Variants in EFTUD2 observed in about 807,000 individuals in gnomAD.
EFTUD2 encodes the protein 116 kDa U5 small nuclear ribonucleoprotein component.
Under a neutral mutation model 114.3 loss-of-function variants are expected in EFTUD2, and 9 were observed. The ratio of observed to expected loss-of-function variants is 0.08; its 90% CI spans 0.05 to 0.14. The LOEUF (loss-of-function observed/expected upper bound fraction) is 0.14, where lower values mean the gene tolerates loss of function less well. Among genes scored for constraint, EFTUD2 ranks in the 10% least tolerant of loss-of-function variants. The pLI, the probability that EFTUD2 is intolerant of heterozygous loss-of-function variation, is 1.00. For missense variants in EFTUD2, 765 were observed against 1,241.2 expected, an observed-to-expected ratio of 0.62 and a Z score of 5.76; for synonymous variants, 449 against 462.3, an observed-to-expected ratio of 0.97 and a Z score of 0.37.
rs763620368 is a variant in EFTUD2, at chr17:44,853,537, C to T, written c.2446G>A (p.Val816Ile). ...CTTACCATGAGGAAGGCAGAGTAGACGACTCTCCTGGCTGTGGGGATGATC... is the reference window on the plus strand; with the variant it reads ...CTTACCATGAGGAAGGCAGAGTAGATGACTCTCCTGGCTGTGGGGATGATC... ...GQIIPTARRV[V>I]YSAFLMATPR... The change falls in exon 24 of 28, where the codon GTC (valine) becomes ATC (isoleucine). Residue 816 changes from valine (V) to isoleucine (I), a missense_variant. Physicochemically the swap from Val to Ile is conservative, Grantham distance 29. This residue lies in a region of EFTUD2 where 166 missense variants were observed against 401.5 expected (regional missense o/e 0.41). Transcript: ENST00000426333. The T allele has an allele frequency of 3.1e-6, 5 of 1,614,074 alleles. No homozygotes were observed. The highest frequency in any genetic ancestry group is 3.4e-6 in the Non-Finnish European group (4 of 1,180,046).
Position 44,880,876 on chromosome 17 carries a change from A to C in EFTUD2, c.529-232T>G, listed in dbSNP as rs367702233. On this transcript the variant is annotated intron_variant, in intron 7 of 27. Transcript: ENST00000426333. ...AGATGAAAATGAATTACTGCAAACA[A>C]AACAGTATTAAGCCTTATCAGAGAA... 2.6e-4 allele frequency among the ~76,000 whole-genome samples: 39 copies of C among 152,370 alleles called. No individual in the cohort carries two copies. The South Asian group carries it at 7.9e-3, about 31-fold the overall frequency.
In EFTUD2 at chr17:44,851,707, T is replaced by A; in HGVS notation, c.2823+3A>T. The A allele has an allele frequency of 6.3e-7, 1 of 1,589,488 alleles. No homozygotes were observed. ...GATGGCAACAGGCCCAAGGGAGACA[T>A]ACCTTCCTACGGCGGGTTTTGATCA... On this transcript the variant is annotated splice_donor_region_variant and intron_variant, in intron 27 of 27. Coordinates refer to ENST00000426333, the MANE Select transcript of EFTUD2 (RefSeq NM_004247.4).
At chr17:44,872,837 A>C in intron 10 of EFTUD2, 1 of 239,330 alleles carries the variant, frequency 4.2e-6, no homozygotes, top group Non-Finnish European at 8.2e-6. Context: ...GACAAGGGGA[A>C]ACCTACAGGA....
chr17:44,898,239 C>CAA (rs1567759700), intron 1 of EFTUD2, among the ~76,000 whole-genome samples: 3 of 152,064 alleles, frequency 2.0e-5, no homozygotes, highest in African/African-American at 7.2e-5. Context: ...TTTTTTGAGA[C>CAA]AGAGTTTTGC....
intron 19 of EFTUD2, 131 bp downstream of exon 19, chr17:44,858,949 G>A (rs1341751614): frequency 4.4e-6 from 3 of 681,442 alleles, no homozygotes; most frequent in Non-Finnish European, 8.0e-6. Flanking sequence ...TCCCATATAA[G>A]GAGCAACAGA....
intron 2 of EFTUD2, chr17:44,891,813 AAAAG>A (rs1198784882): frequency 1.3e-5 from 2 of 152,060 alleles, no homozygotes; most frequent in African/African-American, 4.8e-5. Context: ...CATCACCCTA[AAAAG>A]AAACTCTGTT....
At chr17:44,883,576 G>T in intron 5 of EFTUD2, 73 bp downstream of exon 5, 2 of 1,421,578 alleles carry the variant, frequency 1.4e-6, no homozygotes, top group South Asian at 2.3e-5. Context: ...CAACCGCTGT[G>T]ACTCTAAGGG....
intron 2 of EFTUD2, 180 bp downstream of exon 2, chr17:44,894,237 G>T (rs1012269695): frequency 1.7e-5 from 10 of 574,706 alleles, no homozygotes; most frequent in Non-Finnish European, 3.1e-5. Flanking sequence ...GGGCATGGTG[G>T]TGCATACCTG....
chr17:44,860,391 C>T (rs1282704856), intron 17 of EFTUD2, 41 bp downstream of exon 17: 40 of 1,422,172 alleles, frequency 2.8e-5, no homozygotes, highest in Admixed American at 1.5e-4. Flanking sequence ...CTGGGACCAT[C>T]TAGCTTAAGC....
chr17:44,868,173 T>TAAAA, intron 12 of EFTUD2, 114 bp downstream of exon 12: 44 of 813,370 alleles, frequency 5.4e-5, no homozygotes, highest in Non-Finnish European at 6.4e-5. Context: ...TAGTTTACAT[T>TAAAA]AAAAAAAAAA....
chr17:44,878,842 T>A (rs1056621084), intron 9 of EFTUD2, among the ~76,000 whole-genome samples: 5 of 152,278 alleles, frequency 3.3e-5, no homozygotes, highest in East Asian at 3.9e-4. Flanking sequence ...TCACCAATGA[T>A]AACACGAATA....
intron 8 of EFTUD2, among the ~76,000 whole-genome samples, chr17:44,880,160 C>G (rs2051045369): frequency 6.6e-6 from 1 of 152,186 alleles, no homozygotes; most frequent in African/African-American, 2.4e-5. Context: ...GAGGAAGAGT[C>G]AGCCAAGGTG....
Position 44,862,759 on chromosome 17 carries a change from C to T in EFTUD2, c.1561G>A (p.Asp521Asn). The T allele has an allele frequency of 6.2e-7, 1 of 1,614,158 alleles. No individual in the cohort carries two copies. Among genetic ancestry groups the T allele is most frequent in the Non-Finnish European group, 8.5e-7 (1 of 1,180,008 alleles). The stretch of plus-strand genomic sequence containing the variant: ...CGGCCCACGGTGCATATCTGGGAGT[C>T]TTCCTCATCCTCCAGGGTGTAGTTC... Reference protein sequence around the residue: ...GENYTLEDEEDSQICTVGRLW... With the variant: ...GENYTLEDEENSQICTVGRLW... Residue 521 changes from aspartate (D) to asparagine (N), a missense_variant, in exon 16 of 28, where the codon GAC becomes AAC. By Grantham distance (23) the Asp-to-Asn change is conservative. Coordinates refer to ENST00000426333, the MANE Select transcript of EFTUD2 (RefSeq NM_004247.4).
At chr17:44,861,263 G>T (rs1325245389) in intron 16 of EFTUD2, among the ~76,000 whole-genome samples, 1 of 151,818 alleles carries the variant, frequency 6.6e-6, no homozygotes, top group Non-Finnish European at 1.5e-5. Flanking sequence ...TGGCCAACAT[G>T]GTGAAAACTA....
intron 19 of EFTUD2, 68 bp from the exon 20 acceptor site, chr17:44,857,225 G>A: frequency 7.1e-7 from 1 of 1,400,556 alleles, no homozygotes; most frequent in Non-Finnish European, 1.0e-6. Context: ...ATTTACCTAA[G>A]GGAATTCAGA....
intron 17 of EFTUD2, 82 bp downstream of exon 17, chr17:44,860,350 G>T: frequency 1.0e-6 from 1 of 983,584 alleles, no homozygotes; most frequent in Non-Finnish European, 1.6e-6. Context: ...CAATGACTGT[G>T]GATTAGTCCC....
chr17:44,897,323 C>A (rs1363217668), intron 1 of EFTUD2, among the ~76,000 whole-genome samples: 1 of 151,994 alleles, frequency 6.6e-6, no homozygotes, highest in Non-Finnish European at 1.5e-5. Flanking sequence ...GTTCCATGCA[C>A]CTGCTTCTTC....
At chr17:44,896,772 TC>T (rs2051393854) in intron 1 of EFTUD2, among the ~76,000 whole-genome samples, 1 of 152,358 alleles carries the variant, frequency 6.6e-6, no homozygotes, top group East Asian at 1.9e-4. Flanking sequence ...TAGATTCAAA[TC>T]CCAACTTTGT....
intron 2 of EFTUD2, among the ~76,000 whole-genome samples, chr17:44,889,036 G>A (rs1393279583): frequency 6.6e-6 from 1 of 152,190 alleles, no homozygotes; most frequent in African/African-American, 2.4e-5. Context: ...TTGGAGGTCA[G>A]GGAGATAATG....
Sources: allele counts gnomAD v4.1 joint callset (sites outside exome capture counted in the v4.1 genomes callset), GRCh38; gene constraint gnomAD v4.1.1; regional missense constraint gnomAD v4.1.1; transcripts MANE v1.5; gene names NCBI Gene and HGNC (gene_info 2026-07-23, HGNC 2026-07-21).